KHDRBS2: variants seen among roughly 807,000 people sequenced by gnomAD.
KHDRBS2 encodes the protein KH RNA binding domain containing, signal transduction associated 2.
In KHDRBS2, 26 loss-of-function variants were observed where a neutral mutation model predicts 44.3. The observed-to-expected ratio is 0.59, with a 90% CI of 0.43 to 0.81. KHDRBS2 has a LOEUF of 0.81. Among genes scored for constraint, KHDRBS2 ranks in the 40% least tolerant of loss-of-function variants. The pLI is 0.00. For synonymous variants in KHDRBS2, 194 were observed against 151.1 expected (o/e 1.28, Z -2.08); for missense variants, 476 against 433.1 (o/e 1.10, Z -0.88).
At chr6:61,819,527 T>C (rs376607903) in intron 6 of KHDRBS2, among the ~76,000 whole-genome samples, 1 of 152,016 alleles carries the variant, frequency 6.6e-6, no homozygotes, top group African/African-American at 2.4e-5. Flanking sequence ...ATATTGTGTT[T>C]TCGGCATTTT....
chr6:61,899,942 T>C (rs1409662617), intron 5 of KHDRBS2, among the ~76,000 whole-genome samples: 1 of 151,994 alleles, frequency 6.6e-6, no homozygotes, highest in African/African-American at 2.4e-5. Flanking sequence ...AAGATGAGAT[T>C]AGAAATGTAC....
chr6:61,960,778 A>G (rs1318270732), intron 4 of KHDRBS2, among the ~76,000 whole-genome samples: 2 of 152,142 alleles, frequency 1.3e-5, no homozygotes, highest in Admixed American at 1.3e-4. Context: ...TACATTTGAG[A>G]ACAAATTTTA....
At chr6:62,154,332 C>T (rs140762223) in intron 2 of KHDRBS2, among the ~76,000 whole-genome samples, 6 of 152,246 alleles carry the variant, frequency 3.9e-5, no homozygotes, top group African/African-American at 1.2e-4. Context: ...TTGCCTGCTG[C>T]ATTACTTCCT....
At chr6:61,870,600 C>T (rs1235956965) in intron 6 of KHDRBS2, among the ~76,000 whole-genome samples, 2 of 152,140 alleles carry the variant, frequency 1.3e-5, no homozygotes, top group Non-Finnish European at 2.9e-5. Flanking sequence ...CCAGGAGAGG[C>T]TGATAGACAC....
At chr6:61,731,824 G>T (rs545430087) in intron 7 of KHDRBS2, among the ~76,000 whole-genome samples, 2 of 152,152 alleles carry the variant, frequency 1.3e-5, no homozygotes, top group Admixed American at 1.3e-4. Flanking sequence ...TTCTAAAAAT[G>T]CATTTGTTTT....
At chr6:62,112,427 C>T (rs1805221075) in intron 2 of KHDRBS2, among the ~76,000 whole-genome samples, 1 of 152,030 alleles carries the variant, frequency 6.6e-6, no homozygotes, top group Non-Finnish European at 1.5e-5. Context: ...TAAAATATCA[C>T]AGTAGAGCAA....
intron 6 of KHDRBS2, among the ~76,000 whole-genome samples, chr6:61,847,419 G>A (rs1362290035): frequency 1.3e-5 from 2 of 152,138 alleles, no homozygotes; most frequent in Non-Finnish European, 2.9e-5. Flanking sequence ...ACTCTAAGTT[G>A]CAGAACTGCC....
chr6:61,631,606 T>C, the KHDRBS2 span, among the ~76,000 whole-genome samples: 1 of 152,096 alleles, frequency 6.6e-6, no homozygotes, highest in African/African-American at 2.4e-5. Flanking sequence ...TCTGACTTGA[T>C]AGAAATAGGA....
At chr6:62,105,128 G>C (rs1426229880) in intron 2 of KHDRBS2, among the ~76,000 whole-genome samples, 1 of 152,010 alleles carries the variant, frequency 6.6e-6, no homozygotes, top group African/African-American at 2.4e-5. Flanking sequence ...AAAAAAATGA[G>C]CTTTTAGTTA....
intron 2 of KHDRBS2, among the ~76,000 whole-genome samples, chr6:62,094,066 A>G (rs531128960): frequency 3.1e-4 from 47 of 151,942 alleles, no homozygotes; most frequent in Non-Finnish European, 5.2e-4. Flanking sequence ...GCTAGACCTT[A>G]TGATAATACT....
intron 2 of KHDRBS2, among the ~76,000 whole-genome samples, chr6:62,053,756 C>G (rs1157117645): frequency 6.6e-6 from 1 of 151,654 alleles, no homozygotes; most frequent in Non-Finnish European, 1.5e-5. Flanking sequence ...TCTACTAAGA[C>G]AGATAAATAT....
At chr6:62,078,405 A>G (rs1796747247) in intron 2 of KHDRBS2, among the ~76,000 whole-genome samples, 1 of 152,078 alleles carries the variant, frequency 6.6e-6, no homozygotes, top group Admixed American at 6.6e-5. Flanking sequence ...ATGTGTATTA[A>G]TAAATGTGTA....
At chr6:62,004,918 G>T (rs1158505225) in intron 3 of KHDRBS2, among the ~76,000 whole-genome samples, 1 of 152,060 alleles carries the variant, frequency 6.6e-6, no homozygotes, top group Admixed American at 6.6e-5. Context: ...AAAACCACAT[G>T]ATTTTCTCAA....
intron 6 of KHDRBS2, among the ~76,000 whole-genome samples, chr6:61,832,926 C>T (rs1446428012): frequency 1.3e-5 from 2 of 152,112 alleles, no homozygotes; most frequent in African/African-American, 2.4e-5. Flanking sequence ...AGGGTTCATA[C>T]TTTTATCTTC....
At chr6:62,045,197 T>C (rs1320905556) in intron 3 of KHDRBS2, among the ~76,000 whole-genome samples, 1 of 152,052 alleles carries the variant, frequency 6.6e-6, no homozygotes, top group African/African-American at 2.4e-5. Flanking sequence ...TGATTGCGAA[T>C]TACTTTCCAG....
At chr6:61,863,656 AC>A (rs1441557167) in intron 6 of KHDRBS2, among the ~76,000 whole-genome samples, 1 of 152,112 alleles carries the variant, frequency 6.6e-6, no homozygotes, top group African/African-American at 2.4e-5. Flanking sequence ...ACTGTTTCTA[AC>A]TATTTTAGTT....
chr6:61,969,074 T>C (rs1015423922), intron 4 of KHDRBS2, among the ~76,000 whole-genome samples: 3 of 152,066 alleles, frequency 2.0e-5, no homozygotes, highest in East Asian at 3.9e-4. Flanking sequence ...TGAATCCACA[T>C]AGGTATTGAG....
intron 4 of KHDRBS2, among the ~76,000 whole-genome samples, chr6:61,969,717 C>A (rs1252608579): frequency 1.3e-5 from 2 of 151,844 alleles, no homozygotes; most frequent in Non-Finnish European, 2.9e-5. Context: ...GCAATAATTT[C>A]ATCAGATGGC....
intron 3 of KHDRBS2, among the ~76,000 whole-genome samples, chr6:61,982,437 TGAG>T (rs1319789581): frequency 6.6e-6 from 1 of 151,904 alleles, no homozygotes; most frequent in Admixed American, 6.6e-5. Context: ...TTTGGGAGGC[TGAG>T]GAGGGCGGAT....
Sources: allele counts gnomAD v4.1 joint callset (sites outside exome capture counted in the v4.1 genomes callset), GRCh38; gene constraint gnomAD v4.1.1; transcripts MANE v1.5; gene names NCBI Gene and HGNC (gene_info 2026-07-23, HGNC 2026-07-21).